Variants in PTPRO observed in about 807,000 individuals in gnomAD.
The protein encoded by PTPRO is receptor-type tyrosine-protein phosphatase O.
A neutral mutation model predicts 145.2 loss-of-function variants in PTPRO; 62 were observed. The observed-to-expected ratio is 0.43, with a 90% CI of 0.35 to 0.53. PTPRO has a LOEUF of 0.53. Ranked by LOEUF, PTPRO falls within the 20% of genes least tolerant of loss-of-function variation. The pLI is 0.01. For missense variants in PTPRO, 1,345 were observed against 1,482.7 expected, an observed-to-expected ratio of 0.91 and a Z score of 1.53; for synonymous variants, 565 against 514.7, an observed-to-expected ratio of 1.10 and a Z score of -1.32.
chr12:15,596,936 A>G lies in PTPRO; in HGVS notation c.*863A>G, dbSNP rs1944670749. ...AGCAATCGTGGTGCCTAGACTTTGC[A>G]TTCCTTGTTCTGTTGACCTGCATAC... On this transcript the variant is annotated 3_prime_UTR_variant, in exon 27 of 27. Coordinates refer to ENST00000281171, the MANE Select transcript of PTPRO (RefSeq NM_030667.3). 2 of 152,614 alleles carry G rather than the reference A, an allele frequency of 1.3e-5. No individual in the cohort carries two copies. The highest frequency in any genetic ancestry group is 1.9e-4 in the East Asian group (1 of 5,202). 9.5% of individuals were successfully genotyped at this position (152,614 alleles called of 1,614,324 possible). A position where few individuals can be genotyped will look rare whatever the true frequency, so the allele number is the denominator to read the frequency against.
chr12:15,597,347 C>T lies in PTPRO; in HGVS notation c.*1274C>T, dbSNP rs1944678141. 6.6e-6 allele frequency: 1 copy of T among 152,130 alleles called. No homozygotes were observed. The highest frequency in any genetic ancestry group is 1.5e-5 in the Non-Finnish European group (1 of 68,028). 9.4% of individuals were successfully genotyped at this position (152,130 alleles called of 1,614,324 possible). ...GATGACATGGATATACAACAGAAAACACTTTGAGTTGAAAGTAAACACAAG... is the reference window on the plus strand; with the variant it reads ...GATGACATGGATATACAACAGAAAATACTTTGAGTTGAAAGTAAACACAAG... On this transcript the variant is annotated 3_prime_UTR_variant, in exon 27 of 27. Transcript: ENST00000281171.
chr12:15,383,544 G>A (rs1018125115), intron 1 of PTPRO, among the ~76,000 whole-genome samples: 7 of 152,262 alleles, frequency 4.6e-5, no homozygotes, highest in Middle Eastern at 3.4e-3. Flanking sequence ...GAGAACCAGG[G>A]CTTATGATAC....
chr12:15,407,599 C>T (rs1169458269), intron 1 of PTPRO, among the ~76,000 whole-genome samples: 2 of 148,978 alleles, frequency 1.3e-5, no homozygotes, highest in East Asian at 1.9e-4. Flanking sequence ...GTGTAACCAG[C>T]TTATGTACTA....
intron 15 of PTPRO, among the ~76,000 whole-genome samples, chr12:15,552,292 T>C (rs1232974367): frequency 1.3e-5 from 2 of 152,222 alleles, no homozygotes; most frequent in Non-Finnish European, 2.9e-5. Context: ...GTAGTTTCTG[T>C]GGCCCCCTGT....
chr12:15,518,532 T>G (rs1942647314), intron 9 of PTPRO, among the ~76,000 whole-genome samples: 1 of 152,234 alleles, frequency 6.6e-6, no homozygotes, highest in Non-Finnish European at 1.5e-5. Context: ...AATGGGATTT[T>G]CTTTTCTATC....
intron 1 of PTPRO, among the ~76,000 whole-genome samples, chr12:15,482,058 C>T (rs567263796): frequency 3.6e-4 from 54 of 152,062 alleles, no homozygotes; most frequent in Non-Finnish European, 6.6e-4. Flanking sequence ...TCTGCACTCC[C>T]ATGTCTATTG....
At chr12:15,395,186 T>A (rs984882640) in intron 1 of PTPRO, among the ~76,000 whole-genome samples, 4 of 152,160 alleles carry the variant, frequency 2.6e-5, no homozygotes, top group Non-Finnish European at 4.4e-5. Flanking sequence ...TTTCCTTTGC[T>A]AGAGCAGTTG....
intron 1 of PTPRO, among the ~76,000 whole-genome samples, chr12:15,454,215 T>C (rs983273297): frequency 4.6e-5 from 7 of 152,176 alleles, no homozygotes; most frequent in African/African-American, 1.7e-4. Flanking sequence ...GGTTCCAATT[T>C]CTCCACATCC....
intron 23 of PTPRO, 57 bp downstream of exon 23, chr12:15,581,858 G>A (rs1419766732): frequency 6.2e-7 from 1 of 1,610,742 alleles, no homozygotes; most frequent in Non-Finnish European, 8.5e-7. Context: ...GCTGAGACCA[G>A]TTTGGTCGGG....
In PTPRO at chr12:15,402,379, T is replaced by A. The variant is rs768152275; in HGVS notation, c.75+79578T>A. On this transcript the variant is annotated intron_variant, in intron 1 of 26. Coordinates refer to ENST00000281171, the MANE Select transcript of PTPRO (RefSeq NM_030667.3). ...CTCCAGGCTGGAGACAGAGCAAGACTCCATTTCAAGAAAAAAAAAAAAGAA... is the reference window on the plus strand; with the variant it reads ...CTCCAGGCTGGAGACAGAGCAAGACACCATTTCAAGAAAAAAAAAAAAGAA... Among the ~76,000 whole-genome samples, 5 of 149,578 alleles carry A rather than the reference T, an allele frequency of 3.3e-5. No individual in the cohort carries two copies. The South Asian group carries it at 1.1e-3, about 32-fold the overall frequency.
chr12:15,472,477 G>A (rs558858578), intron 1 of PTPRO, among the ~76,000 whole-genome samples: 4 of 152,230 alleles, frequency 2.6e-5, no homozygotes, highest in East Asian at 1.9e-4. Context: ...ATCATCCTCC[G>A]TTGATCTAAA....
At chr12:15,452,221 T>C (rs573114803) in intron 1 of PTPRO, among the ~76,000 whole-genome samples, 1 of 152,270 alleles carries the variant, frequency 6.6e-6, no homozygotes, top group Admixed American at 6.5e-5. Flanking sequence ...AACACCTTTA[T>C]GTGCATAAAT....
At chr12:15,481,383 T>C (rs949752724) in intron 1 of PTPRO, among the ~76,000 whole-genome samples, 3 of 152,242 alleles carry the variant, frequency 2.0e-5, no homozygotes, top group African/African-American at 7.2e-5. Flanking sequence ...TTTCACCACA[T>C]AGCTGAAACC....
chr12:15,544,254 C>T (rs987404885), intron 12 of PTPRO, among the ~76,000 whole-genome samples: 1 of 151,920 alleles, frequency 6.6e-6, no homozygotes, highest in African/African-American at 2.4e-5. Flanking sequence ...TCCCAGCTCC[C>T]AGCACTTTGG....
At chr12:15,511,524 CT>C (rs1225466720) in intron 7 of PTPRO, among the ~76,000 whole-genome samples, 1 of 152,084 alleles carries the variant, frequency 6.6e-6, no homozygotes, top group Non-Finnish European at 1.5e-5. Flanking sequence ...TATAATATCC[CT>C]AGGATAAATT....
chr12:15,391,401 A>C (rs1939185776), intron 1 of PTPRO, among the ~76,000 whole-genome samples: 2 of 152,128 alleles, frequency 1.3e-5, no homozygotes, highest in African/African-American at 4.8e-5. Context: ...CATTTGTAAC[A>C]CTTTGGCTGG....
chr12:15,322,670 C>A lies in PTPRO; in HGVS notation c.-57C>A. 1 of 1,484,124 alleles carries A rather than the reference C, an allele frequency of 6.7e-7. No individual in the cohort carries two copies. Among genetic ancestry groups the A allele is most frequent in the Non-Finnish European group, 9.2e-7 (1 of 1,082,262 alleles). The allele number at this position is 1,484,124 out of a possible 1,614,324, so 91.9% of individuals were successfully genotyped here. On this transcript the variant is annotated 5_prime_UTR_variant, in exon 1 of 27. Coordinates refer to ENST00000281171, the MANE Select transcript of PTPRO (RefSeq NM_030667.3). This position sits in a 1 kb window ranked among gnomAD's most constrained non-coding sequence, Gnocchi z 6.3. ...GCAGCCCCAGTTCGCCATTGTGAGC[C>A]GCCGCCGGGGGAGTCCGCTAGCGCA... is the stretch of plus-strand genomic sequence containing the variant.
chr12:15,528,570 A>G (rs1381095657), intron 12 of PTPRO, among the ~76,000 whole-genome samples: 1 of 151,910 alleles, frequency 6.6e-6, no homozygotes, highest in Non-Finnish European at 1.5e-5. Context: ...AAACATAAGA[A>G]TTATTAGTAT....
intron 23 of PTPRO, among the ~76,000 whole-genome samples, chr12:15,584,473 T>C (rs1431350305): frequency 6.6e-6 from 1 of 152,200 alleles, no homozygotes; most frequent in Non-Finnish European, 1.5e-5. Flanking sequence ...GTCACATAGA[T>C]TATTGCTTGG....
Sources: allele counts gnomAD v4.1 joint callset (sites outside exome capture counted in the v4.1 genomes callset), GRCh38; gene constraint gnomAD v4.1.1; non-coding constraint Gnocchi (gnomAD v3.1); transcripts MANE v1.5; gene names NCBI Gene and HGNC (gene_info 2026-07-23, HGNC 2026-07-21).